The following RAPGEF4 variants were observed in gnomAD, a reference collection of about 807,000 sequenced individuals.
The protein encoded by RAPGEF4 is RAP guanine-nucleotide-exchange factor (GEF) 4.
RAPGEF4 carries 66 observed loss-of-function variants against 147.9 expected under a neutral mutation model. That is an observed-to-expected ratio of 0.45 (90% confidence interval 0.37 to 0.55). RAPGEF4 has a LOEUF of 0.55. RAPGEF4 is among the 20% of genes least tolerant of loss of function. The pLI is 0.00. For synonymous variants in RAPGEF4, 419 were observed against 442.7 expected (o/e 0.95, Z 0.67); for missense variants, 1,071 against 1,257.3 (o/e 0.85, Z 2.24).
Position 173,019,404 on chromosome 2 carries a change from C to T in RAPGEF4, c.2155+602C>T, listed in dbSNP as rs549222268. On this transcript the variant is annotated intron_variant, in intron 22 of 30. Coordinates refer to ENST00000397081, the MANE Select transcript of RAPGEF4 (RefSeq NM_007023.4). ...GCTACGAAGGAAAGAATGAGTTAGA[C>T]ACAGCTCACGTCCCCAGGTTGTTCC... Among the ~76,000 whole-genome samples, 13 of 152,346 alleles carry T rather than the reference C, an allele frequency of 8.5e-5. No homozygotes were observed. The South Asian group carries it at 2.5e-3, about 29-fold the overall frequency.
intron 4 of RAPGEF4, among the ~76,000 whole-genome samples, chr2:172,884,975 T>A (rs1697020377): frequency 6.6e-6 from 1 of 152,254 alleles, no homozygotes. Context: ...GGCCTATGCC[T>A]GGGTTTGTCA....
intron 29 of RAPGEF4, 114 bp downstream of exon 29, chr2:173,036,806 C>T: frequency 1.5e-6 from 1 of 646,982 alleles, no homozygotes; most frequent in Non-Finnish European, 2.6e-6. Context: ...GGTAGTTACA[C>T]ATAAAGGAGT....
chr2:172,820,192 G>A (rs1219933886), intron 4 of RAPGEF4, among the ~76,000 whole-genome samples: 1 of 152,172 alleles, frequency 6.6e-6, no homozygotes, highest in Non-Finnish European at 1.5e-5. Context: ...CTGTATTCAG[G>A]AAAGTAGATT....
chr2:172,780,714 T>TTGTGTGGTACCATTTCAC (rs1684605832), intron 1 of RAPGEF4, among the ~76,000 whole-genome samples: 2 of 152,190 alleles, frequency 1.3e-5, no homozygotes, highest in South Asian at 4.1e-4. Context: ...TACCATTTCA[T>TTGTGTGGTACCATTTCAC]TGTGTGGTAC....
rs57766910 is a variant in RAPGEF4 at position 172,922,299 on chromosome 2, A to C, written c.536A>C (p.Asn179Thr). 267 of 1,606,434 alleles carry C rather than the reference A, an allele frequency of 1.7e-4. No individual in the cohort carries two copies. The African/African-American group carries it at 3.0e-3, about 18-fold the overall frequency. Residue 179 changes from asparagine to threonine, a missense_variant and splice_region_variant, in exon 6 of 31, where the codon AAC becomes ACC. Physicochemically the swap from Asn to Thr is moderately conservative, Grantham distance 65. Transcript: ENST00000397081. Reference protein sequence around the residue: ...SNNDRIPDKENTPLIEPHVPL... With the variant: ...SNNDRIPDKETTPLIEPHVPL... ...CCTTTAGGGATTCCTGACAAGGAGA[A>C]CGTGAGTAGCTACTCTCTCTGCCTA... is the stretch of plus-strand genomic sequence containing the variant.
intron 4 of RAPGEF4, among the ~76,000 whole-genome samples, chr2:172,913,280 GT>G (rs913500241): frequency 2.0e-5 from 3 of 152,308 alleles, no homozygotes; most frequent in Admixed American, 6.5e-5. Context: ...CTTAGGTTTT[GT>G]TGTACCACCA....
chr2:172,903,452 C>A (rs1221691486), intron 4 of RAPGEF4, among the ~76,000 whole-genome samples: 1 of 149,014 alleles, frequency 6.7e-6, no homozygotes, highest in Admixed American at 6.7e-5. Flanking sequence ...GCAGGAGAAT[C>A]TCTTGAACCT....
intron 4 of RAPGEF4, among the ~76,000 whole-genome samples, chr2:172,861,483 G>A (rs539110412): frequency 6.6e-6 from 1 of 152,258 alleles, no homozygotes; most frequent in African/African-American, 2.4e-5. Flanking sequence ...AATTCCATGG[G>A]GCAGACACAG....
At chr2:173,026,122 A>C (rs1008947910) in intron 23 of RAPGEF4, among the ~76,000 whole-genome samples, 2 of 152,202 alleles carry the variant, frequency 1.3e-5, no homozygotes, top group African/African-American at 4.8e-5. Flanking sequence ...CAGTGTTACC[A>C]TGGCCACCGG....
intron 4 of RAPGEF4, among the ~76,000 whole-genome samples, chr2:172,824,015 T>TA (rs1041837603): frequency 4.6e-5 from 7 of 152,152 alleles, no homozygotes. Flanking sequence ...CCTTATGAGT[T>TA]AAAAAATCTA....
intron 1 of RAPGEF4, among the ~76,000 whole-genome samples, chr2:172,780,521 G>A (rs536921913): frequency 2.6e-5 from 4 of 152,202 alleles, no homozygotes; most frequent in Admixed American, 6.5e-5. Flanking sequence ...GAGGGAAGGA[G>A]AGACACCTTT....
chr2:172,790,400 A>AAGGCCCTGG (rs1331409292), intron 1 of RAPGEF4, among the ~76,000 whole-genome samples: 2 of 152,204 alleles, frequency 1.3e-5, no homozygotes, highest in African/African-American at 4.8e-5. Flanking sequence ...TTTTTTATAA[A>AAGGCCCTGG]AGGCCCTGGA....
At chr2:172,998,382 A>C (rs1179191562) in intron 16 of RAPGEF4, among the ~76,000 whole-genome samples, 3 of 152,228 alleles carry the variant, frequency 2.0e-5, no homozygotes, top group African/African-American at 7.2e-5. Flanking sequence ...AAACGAAGGA[A>C]AGGTTTAAGA....
At chr2:172,841,636 T>C (rs909310775) in intron 4 of RAPGEF4, among the ~76,000 whole-genome samples, 1 of 152,194 alleles carries the variant, frequency 6.6e-6, no homozygotes, top group African/African-American at 2.4e-5. Flanking sequence ...TCTGCCTATT[T>C]CTAAATACTC....
chr2:172,936,671 C>T (rs1010629499), intron 6 of RAPGEF4, among the ~76,000 whole-genome samples: 11 of 151,772 alleles, frequency 7.2e-5, no homozygotes, highest in South Asian at 2.1e-4. Flanking sequence ...TGTCCCATTA[C>T]TGGAATTATT....
intron 6 of RAPGEF4, among the ~76,000 whole-genome samples, chr2:172,936,257 C>T (rs1245066092): frequency 6.6e-6 from 1 of 152,074 alleles, no homozygotes; most frequent in Non-Finnish European, 1.5e-5. Context: ...GTCCCAGCTA[C>T]TCTGAAGGCT....
At chr2:172,821,421 T>G (rs184928122) in intron 4 of RAPGEF4, among the ~76,000 whole-genome samples, 57 of 152,292 alleles carry the variant, frequency 3.7e-4, no homozygotes, top group African/African-American at 1.3e-3. Flanking sequence ...TTTGGCAACC[T>G]TGGAGCTTGT....
At chr2:172,748,323 T>C (rs1275453226) in intron 1 of RAPGEF4, among the ~76,000 whole-genome samples, 1 of 152,152 alleles carries the variant, frequency 6.6e-6, no homozygotes, top group African/African-American at 2.4e-5. Context: ...ATACCTGAGA[T>C]GGGGTAATTT....
At chr2:172,845,002 ATCT>A (rs1692014792) in intron 4 of RAPGEF4, among the ~76,000 whole-genome samples, 1 of 152,238 alleles carries the variant, frequency 6.6e-6, no homozygotes, top group African/African-American at 2.4e-5. Context: ...AATGGAATCC[ATCT>A]TCTTATTGGG....
Sources: allele counts gnomAD v4.1 joint callset (sites outside exome capture counted in the v4.1 genomes callset), GRCh38; gene constraint gnomAD v4.1.1; transcripts MANE v1.5; gene names NCBI Gene and HGNC (gene_info 2026-07-23, HGNC 2026-07-21).